Variants in FRMD6 observed in about 807,000 individuals in gnomAD.
The protein encoded by FRMD6 is FERM domain-containing protein 6.
FRMD6 carries 37 observed loss-of-function variants against 73.2 expected under a neutral mutation model. That is an observed-to-expected ratio of 0.51 (90% confidence interval 0.39 to 0.66). The LOEUF is 0.66. Ranked by LOEUF, FRMD6 falls within the 30% of genes least tolerant of loss-of-function variation. The probability of loss-of-function intolerance (pLI) is 0.00; values close to 1 mark genes in which losing one functional copy is unlikely to be tolerated. For missense variants in FRMD6, 714 were observed against 780.5 expected, an observed-to-expected ratio of 0.91 and a Z score of 1.02; for synonymous variants, 273 against 282.2, an observed-to-expected ratio of 0.97 and a Z score of 0.33.
the FRMD6 span, among the ~76,000 whole-genome samples, chr14:51,450,722 A>T: frequency 6.6e-6 from 1 of 152,336 alleles, no homozygotes; most frequent in African/African-American, 2.4e-5. Context: ...AAAAGCCATC[A>T]TTTGGGCCAA....
At chr14:51,519,489 T>C (rs1884825606) in intron 1 of FRMD6, among the ~76,000 whole-genome samples, 1 of 152,144 alleles carries the variant, frequency 6.6e-6, no homozygotes, top group Admixed American at 6.5e-5. Flanking sequence ...ATGAATAAAA[T>C]ATAGTTCATC....
intron 2 of FRMD6, among the ~76,000 whole-genome samples, chr14:51,596,932 C>T (rs1370929629): frequency 1.3e-5 from 2 of 152,242 alleles, no homozygotes; most frequent in Admixed American, 1.3e-4. Context: ...CAAGTTTATA[C>T]ATCACACAGA....
At chr14:51,658,438 A>G (rs191191925) in intron 1 of FRMD6, among the ~76,000 whole-genome samples, 2 of 152,132 alleles carry the variant, frequency 1.3e-5, no homozygotes, top group African/African-American at 4.8e-5. Flanking sequence ...TCCATAAATG[A>G]TCTAGGATGG....
chr14:51,697,809 A>G (rs777568954), intron 2 of FRMD6, among the ~76,000 whole-genome samples: 14 of 152,146 alleles, frequency 9.2e-5, no homozygotes, highest in Non-Finnish European at 1.8e-4. Context: ...TACTTGCCAA[A>G]TAAATATTTT....
At chr14:51,478,134 A>C in the FRMD6 span, among the ~76,000 whole-genome samples, 17 of 152,252 alleles carry the variant, frequency 1.1e-4, no homozygotes, top group African/African-American at 3.6e-4. Context: ...TTTTAGTTTG[A>C]AAATGACTTC....
chr14:51,599,297 G>A (rs59118944), intron 2 of FRMD6, among the ~76,000 whole-genome samples: 1 of 151,902 alleles, frequency 6.6e-6, no homozygotes, highest in Admixed American at 6.6e-5. Context: ...ATATGCAGAA[G>A]AATGAAACTG....
At chr14:51,413,295 G>A in the FRMD6 span, among the ~76,000 whole-genome samples, 1 of 152,126 alleles carries the variant, frequency 6.6e-6, no homozygotes, top group African/African-American at 2.4e-5. Context: ...TTCTCCTAAT[G>A]CTATCCCTCC....
intron 2 of FRMD6, among the ~76,000 whole-genome samples, chr14:51,693,545 G>A (rs190545717): frequency 9.9e-4 from 151 of 152,192 alleles, no homozygotes; most frequent in African/African-American, 3.5e-3. Flanking sequence ...TGTGAAGTAG[G>A]GATAATCTTA....
the FRMD6 span, among the ~76,000 whole-genome samples, chr14:51,460,703 C>T: frequency 1.3e-5 from 2 of 152,108 alleles, no homozygotes; most frequent in Non-Finnish European, 1.5e-5. Flanking sequence ...TTAGTAAGAG[C>T]AAGTGATATG....
chr14:51,633,766 C>T (rs1324470577), intron 2 of FRMD6, among the ~76,000 whole-genome samples: 4 of 151,928 alleles, frequency 2.6e-5, no homozygotes, highest in Non-Finnish European at 4.4e-5. Context: ...ATATAAGTTC[C>T]TTAGAGTGGA....
At chr14:51,429,507 C>A in the FRMD6 span, among the ~76,000 whole-genome samples, 1 of 152,202 alleles carries the variant, frequency 6.6e-6, no homozygotes, top group African/African-American at 2.4e-5. Flanking sequence ...GCAATTCCCT[C>A]ATTGAACTTT....
chr14:51,533,557 G>A (rs1380350746), intron 1 of FRMD6, among the ~76,000 whole-genome samples: 1 of 152,120 alleles, frequency 6.6e-6, no homozygotes, highest in African/African-American at 2.4e-5. Context: ...CTCACCAAAT[G>A]TTGATGATCT....
chr14:51,644,857 A>G (rs1891994485), intron 2 of FRMD6, among the ~76,000 whole-genome samples: 1 of 152,226 alleles, frequency 6.6e-6, no homozygotes, highest in Non-Finnish European at 1.5e-5. Context: ...TTTACAAGAG[A>G]GCGTATTTCC....
intron 2 of FRMD6, among the ~76,000 whole-genome samples, chr14:51,580,289 A>T (rs1201905710): frequency 1.3e-5 from 2 of 152,298 alleles, no homozygotes; most frequent in African/African-American, 4.8e-5. Flanking sequence ...CTATAGGGGC[A>T]CAGGAGGAAT....
chr14:51,511,181 A>G (rs1884285511), intron 1 of FRMD6, among the ~76,000 whole-genome samples: 1 of 152,170 alleles, frequency 6.6e-6, no homozygotes, highest in Non-Finnish European at 1.5e-5. Context: ...AGAGACAGAG[A>G]CAGATTTTTT....
At chr14:51,398,102 A>G in the FRMD6 span, among the ~76,000 whole-genome samples, 1 of 152,208 alleles carries the variant, frequency 6.6e-6, no homozygotes, top group Non-Finnish European at 1.5e-5. Context: ...AAGTTGTTAT[A>G]CATATTTACT....
At chr14:51,613,588 G>T (rs371077164) in intron 2 of FRMD6, among the ~76,000 whole-genome samples, 2 of 152,158 alleles carry the variant, frequency 1.3e-5, no homozygotes, top group African/African-American at 4.8e-5. Flanking sequence ...GGTTTCCAAG[G>T]CAGCGCAACT....
At chr14:51,476,099 T>C in the FRMD6 span, among the ~76,000 whole-genome samples, 1 of 152,140 alleles carries the variant, frequency 6.6e-6, no homozygotes, top group Non-Finnish European at 1.5e-5. Context: ...AGAAGTCAAA[T>C]CCAGAGTCAT....
the FRMD6 span, among the ~76,000 whole-genome samples, chr14:51,427,378 T>A: frequency 0.087 from 13,219 of 152,244 alleles, 611 homozygotes; most frequent in East Asian, 0.12. Flanking sequence ...AAGAAAGAGG[T>A]ACAATTTGGC....
Sources: allele counts gnomAD v4.1 joint callset (sites outside exome capture counted in the v4.1 genomes callset), GRCh38; gene constraint gnomAD v4.1.1; transcripts MANE v1.5; gene names NCBI Gene and HGNC (gene_info 2026-07-23, HGNC 2026-07-21).